FAAH2: variants seen among roughly 807,000 people sequenced by gnomAD.
The protein encoded by FAAH2 is fatty-acid amide hydrolase 2.
Under a neutral mutation model 36.9 loss-of-function variants are expected in FAAH2, and 60 were observed. The ratio of observed to expected loss-of-function variants is 1.63; its 90% CI spans 1.32 to 2.02. The LOEUF is 2.02. Among genes scored for constraint, FAAH2 ranks in the 30% most tolerant of loss-of-function variants. FAAH2 has a pLI of 0.00. For missense variants in FAAH2, 689 were observed against 397.5 expected, an observed-to-expected ratio of 1.73 and a Z score of -6.23; for synonymous variants, 214 against 143.8, an observed-to-expected ratio of 1.49 and a Z score of -3.49.
chrX:57,427,827 T>G (rs2056199570), intron 7 of FAAH2, among the ~76,000 whole-genome samples: 1 of 77,305 alleles, frequency 1.3e-5, no homozygotes, highest in African/African-American at 3.4e-5. Context: ...GAAAGCATTC[T>G]TTCTAAAAAC....
intron 3 of FAAH2, among the ~76,000 whole-genome samples, chrX:57,331,042 G>A (rs1001615045): frequency 1.8e-5 from 2 of 110,995 alleles, no homozygotes; most frequent in African/African-American, 6.6e-5. Context: ...CCACCCTGCA[G>A]ATTTCAGGTC....
At chrX:57,432,174 A>C in intron 8 of FAAH2, 137 bp downstream of exon 8, 1 of 478,077 alleles carries the variant, frequency 2.1e-6, no homozygotes, top group Non-Finnish European at 3.1e-6. Flanking sequence ...TATTTAAAGA[A>C]AGCACAGTTT....
intron 10 of FAAH2, among the ~76,000 whole-genome samples, chrX:57,461,120 A>G (rs4475645): frequency 0.54 from 57,909 of 107,702 alleles, 14,348 homozygotes; most frequent in Non-Finnish European, 0.74. Context: ...ACATACATGC[A>G]CCCAATACAG....
At chrX:57,419,249 G>A (rs753572738) in intron 7 of FAAH2, among the ~76,000 whole-genome samples, 2 of 110,140 alleles carry the variant, frequency 1.8e-5, no homozygotes, top group East Asian at 5.7e-4. Context: ...GGGATGGCTG[G>A]GTCAAATGGT....
chrX:57,436,438 A>C (rs2056412580), intron 8 of FAAH2, among the ~76,000 whole-genome samples: 1 of 110,455 alleles, frequency 9.1e-6, no homozygotes, highest in African/African-American at 3.3e-5. Flanking sequence ...CTGAAACAGG[A>C]AGTGTTGGTT....
At chrX:57,192,672 G>A in the FAAH2 span, among the ~76,000 whole-genome samples, 1 of 111,806 alleles carries the variant, frequency 8.9e-6, no homozygotes, top group Non-Finnish European at 1.9e-5. Context: ...GGAAGTCAGG[G>A]ACCCCAAATG....
intron 10 of FAAH2, among the ~76,000 whole-genome samples, chrX:57,483,128 C>G (rs1031436107): frequency 1.1e-4 from 12 of 111,535 alleles, no homozygotes; most frequent in Non-Finnish European, 2.1e-4. Context: ...TTTTCTTCCT[C>G]TCTCTTAGAA....
chrX:57,176,232 G>T, the FAAH2 span, among the ~76,000 whole-genome samples: 1 of 105,973 alleles, frequency 9.4e-6, no homozygotes, highest in South Asian at 4.0e-4. Context: ...TGGCCATTTT[G>T]TATAATCCCA....
At chrX:57,144,348 A>AT in the FAAH2 span, among the ~76,000 whole-genome samples, 30,751 of 107,714 alleles carry the variant, frequency 0.29, 3,508 homozygotes, top group Middle Eastern at 0.58. Context: ...GGATATTTAT[A>AT]TTTTTTCTCA....
rs113961073 is a variant in FAAH2, at chrX:57,405,718, A to G, written c.996+24689A>G. On this transcript the variant is annotated intron_variant, in intron 7 of 10. Coordinates refer to ENST00000374900, the MANE Select transcript of FAAH2 (RefSeq NM_174912.4). ...GTGTTAATTTAAAAGAACAGTCTTT[A>G]AGCTCTGAAATTCTTTCTTCTGCTT... is the stretch of plus-strand genomic sequence containing the variant. Among the ~76,000 whole-genome samples, 825 of 100,262 alleles carry G rather than the reference A, an allele frequency of 8.2e-3. 7 individuals are homozygous for G. Among genetic ancestry groups the G allele is most frequent in the Non-Finnish European group, 0.013 (623 of 49,740 alleles). 87.1% of individuals were successfully genotyped at this position (100,262 alleles called of 115,157 possible).
chrX:57,364,205 T>C (rs756295684), intron 5 of FAAH2, among the ~76,000 whole-genome samples: 1 of 108,924 alleles, frequency 9.2e-6, no homozygotes, highest in South Asian at 4.0e-4. Context: ...TTCTTGGTAG[T>C]TTTTAAATTA....
At chrX:57,347,293 G>A (rs1057164691) in intron 5 of FAAH2, among the ~76,000 whole-genome samples, 1 of 111,603 alleles carries the variant, frequency 9.0e-6, no homozygotes, top group South Asian at 3.7e-4. Flanking sequence ...GTCTGACTGA[G>A]TTGATTTGAA....
chrX:57,146,900 T>C, the FAAH2 span, among the ~76,000 whole-genome samples: 1 of 111,980 alleles, frequency 8.9e-6, no homozygotes, highest in South Asian at 3.7e-4. Context: ...CATCCCTGAT[T>C]CCCTAGTATG....
intron 10 of FAAH2, among the ~76,000 whole-genome samples, chrX:57,479,608 A>G (rs930957628): frequency 9.0e-6 from 1 of 111,333 alleles, no homozygotes; most frequent in African/African-American, 3.3e-5. Context: ...CCTATTTAGT[A>G]TATTGGCTGT....
At position 57,352,136 on chromosome X, in the gene FAAH2, G is replaced by T. The variant is rs756034695; in HGVS notation, c.742+10746G>T. ...TATATATATGCACATATATATATAT[G>T]TGTATATATATGCACATATATATAC... On this transcript the variant is annotated intron_variant, in intron 5 of 10. Transcript: ENST00000374900. 6.0e-5 allele frequency among the ~76,000 whole-genome samples: 2 copies of T among 33,532 alleles called. 1 individual carries two copies. The highest frequency in any genetic ancestry group is 1.1e-4 in the Non-Finnish European group (2 of 18,518). The allele number at this position is 33,532 out of a possible 115,157, so 29.1% of individuals were successfully genotyped here.
chrX:57,402,449 T>A (rs759452031), intron 7 of FAAH2, among the ~76,000 whole-genome samples: 1 of 111,925 alleles, frequency 8.9e-6, no homozygotes, highest in East Asian at 2.8e-4. Context: ...CTGTTCCACC[T>A]GTTCCTCCTG....
intron 8 of FAAH2, among the ~76,000 whole-genome samples, chrX:57,445,195 A>G (rs1035340284): frequency 8.9e-6 from 1 of 111,836 alleles, no homozygotes; most frequent in Admixed American, 9.5e-5. Flanking sequence ...CTGAATCCAT[A>G]ACAGCAGTAG....
the FAAH2 span, among the ~76,000 whole-genome samples, chrX:57,278,305 C>T: frequency 9.0e-5 from 10 of 111,487 alleles, no homozygotes; most frequent in African/African-American, 3.3e-4. Flanking sequence ...TTTGACAAAC[C>T]TGACAATAAC....
intron 7 of FAAH2, among the ~76,000 whole-genome samples, chrX:57,396,849 G>A (rs5960968): frequency 0.01 from 1,157 of 111,548 alleles, 16 homozygotes; most frequent in African/African-American, 0.036. Context: ...ATATCTATGC[G>A]GTTCATTTGG....
Sources: gnomAD v4.1 joint callset for allele counts (sites outside exome capture counted in the v4.1 genomes callset) on GRCh38, gnomAD v4.1.1 for gene constraint, MANE v1.5 for transcripts, NCBI Gene and HGNC (gene_info 2026-07-23, HGNC 2026-07-21) for gene names.